AP1AR: variants seen among roughly 807,000 people sequenced by gnomAD.
AP1AR encodes the protein AP-1 complex-associated regulatory protein.
A neutral mutation model predicts 46.3 loss-of-function variants in AP1AR; 29 were observed. The observed-to-expected ratio is 0.63, with a 90% CI of 0.47 to 0.85. The LOEUF is 0.85. Ranked by LOEUF, AP1AR falls within the 40% of genes least tolerant of loss-of-function variation. The pLI is 0.00. For synonymous variants in AP1AR, 122 were observed against 122.9 expected, an observed-to-expected ratio of 0.99 and a Z score of 0.05; for missense variants, 357 against 356.3, an observed-to-expected ratio of 1.00 and a Z score of -0.02.
intron 3 of AP1AR, 64 bp from the exon 4 acceptor site, chr4:112,257,708 T>C: frequency 1.6e-6 from 2 of 1,284,642 alleles, no homozygotes; most frequent in Non-Finnish European, 2.1e-6. Context: ...AAAATTGTAT[T>C]GGTTACTTTA....
intron 7 of AP1AR, chr4:112,265,300 T>A (rs1166315073): frequency 2.4e-6 from 1 of 417,330 alleles, no homozygotes; most frequent in Non-Finnish European, 4.3e-6. Flanking sequence ...ATTTCCCATA[T>A]AGATGTGATA....
At chr4:112,253,455 GTT>G in intron 2 of AP1AR, 199 bp downstream of exon 2, 1 of 538,384 alleles carries the variant, frequency 1.9e-6, no homozygotes, top group South Asian at 2.4e-5. Context: ...GAGGATTATG[GTT>G]CTGTTTTTCT....
intron 1 of AP1AR, among the ~76,000 whole-genome samples, chr4:112,252,140 G>A (rs1300194371): frequency 1.3e-5 from 2 of 152,202 alleles, no homozygotes. Context: ...TGGGGAGGCT[G>A]AGGCAGGAGG....
rs1272091569 is a variant in AP1AR, at chr4:112,270,651, A to T, written c.*2242A>T. Among the ~76,000 whole-genome samples, 9 of 152,240 alleles carry T rather than the reference A, an allele frequency of 5.9e-5. No homozygotes were observed. Among genetic ancestry groups the T allele is most frequent in the Admixed American group, 5.9e-4 (9 of 15,278 alleles). On this transcript the variant is annotated 3_prime_UTR_variant, in exon 10 of 10. Coordinates refer to ENST00000274000, the MANE Select transcript of AP1AR (RefSeq NM_018569.6). ...GTTATAAGCAAAGGGAACGGCAAGT[A>T]CAAAGTACCTGAGGTGGGAAAGAGT...
Position 112,253,272 on chromosome 4 carries a change from T to C in AP1AR, c.132+16T>C, listed in dbSNP as rs372224158. ...AACAATAGAGGTAAGTAGTCCTTAA[T>C]TTGATTGAATTAAAAATGCCTTCAG... is the stretch of plus-strand genomic sequence containing the variant. On this transcript the variant is annotated intron_variant, in intron 2 of 9. Coordinates refer to ENST00000274000, the MANE Select transcript of AP1AR (RefSeq NM_018569.6). 17 of 1,600,448 alleles carry C rather than the reference T, an allele frequency of 1.1e-5. No homozygotes were observed. Among genetic ancestry groups the C allele is most frequent in the Non-Finnish European group, 1.4e-5 (16 of 1,171,190 alleles).
In AP1AR at chr4:112,271,121, A is replaced by G. The variant is rs1726933148; in HGVS notation, c.*2712A>G. ...ACACATCTGGCATGGTGCCGTGGCT[A>G]CCTTGCTCACTGCACATAGTCCACG... On this transcript the variant is annotated 3_prime_UTR_variant, in exon 10 of 10. Coordinates refer to ENST00000274000, the MANE Select transcript of AP1AR (RefSeq NM_018569.6). Among the ~76,000 whole-genome samples the G allele has an allele frequency of 6.6e-6, 1 of 152,174 alleles. No individual in the cohort carries two copies. The highest frequency in any genetic ancestry group is 6.5e-5 in the Admixed American group (1 of 15,270).
At chr4:112,251,522 T>C (rs1168807626) in intron 1 of AP1AR, among the ~76,000 whole-genome samples, 1 of 152,204 alleles carries the variant, frequency 6.6e-6, no homozygotes, top group Non-Finnish European at 1.5e-5. Context: ...ATTACTGGGC[T>C]TTATTTCTAA....
chr4:112,254,963 ATT>A (rs57595867), intron 3 of AP1AR, 190 bp downstream of exon 3: 39 of 290,342 alleles, frequency 1.3e-4, no homozygotes, highest in Middle Eastern at 9.6e-4. Flanking sequence ...ATAATTCCGA[ATT>A]TTTTTTTTTT....
chr4:112,248,806 T>G (rs931763146), intron 1 of AP1AR, among the ~76,000 whole-genome samples: 3 of 152,324 alleles, frequency 2.0e-5, no homozygotes, highest in Non-Finnish European at 4.4e-5. Context: ...CCTTCTTCAT[T>G]CCAGCCATTC....
intron 1 of AP1AR, among the ~76,000 whole-genome samples, chr4:112,241,782 AG>A (rs1435387171): frequency 3.9e-5 from 6 of 152,172 alleles, no homozygotes; most frequent in African/African-American, 1.4e-4. Context: ...TTAAGATTTG[AG>A]TGGTTAAATC....
At chr4:112,268,066 C>A in intron 9 of AP1AR, 78 bp from the exon 10 acceptor site, 1 of 1,381,484 alleles carries the variant, frequency 7.2e-7, no homozygotes, top group Non-Finnish European at 9.6e-7. Context: ...ATAAAAACTA[C>A]ATTGCTAAAT....
At chr4:112,264,588 A>T (rs1381012071) in intron 6 of AP1AR, among the ~76,000 whole-genome samples, 3 of 152,078 alleles carry the variant, frequency 2.0e-5, no homozygotes. Flanking sequence ...TTCTGAGTCA[A>T]CTCAGCCAGA....
chr4:112,236,639 G>C (rs1229993998), intron 1 of AP1AR, among the ~76,000 whole-genome samples: 1 of 152,056 alleles, frequency 6.6e-6, no homozygotes, highest in Non-Finnish European at 1.5e-5. Context: ...GACCTGAAAC[G>C]ATCTGCCCAC....
At chr4:112,239,468 C>T (rs753085379) in intron 1 of AP1AR, among the ~76,000 whole-genome samples, 4 of 152,110 alleles carry the variant, frequency 2.6e-5, no homozygotes, top group Non-Finnish European at 5.9e-5. Context: ...TTCAAAACTT[C>T]TGTTAGACTC....
intron 6 of AP1AR, among the ~76,000 whole-genome samples, chr4:112,264,252 T>A (rs1366850348): frequency 6.6e-6 from 1 of 152,182 alleles, no homozygotes; most frequent in Non-Finnish European, 1.5e-5. Flanking sequence ...ACTGCTTCCC[T>A]TTTAAAGACA....
intron 1 of AP1AR, among the ~76,000 whole-genome samples, chr4:112,244,014 A>G (rs1725617465): frequency 6.6e-6 from 1 of 152,208 alleles, no homozygotes; most frequent in Admixed American, 6.5e-5. Flanking sequence ...ACTTTATTGT[A>G]TAATATTCCT....
At chr4:112,254,877 AATTTTT>A in intron 3 of AP1AR, 104 bp downstream of exon 3, 2 of 575,224 alleles carry the variant, frequency 3.5e-6, no homozygotes, top group Non-Finnish European at 5.4e-6. Flanking sequence ...TTTGTTTTAG[AATTTTT>A]ATTTTCTGGT....
rs1725006113 is a variant in AP1AR at position 112,231,792 on chromosome 4, C to T, written c.-300C>T. The T allele has an allele frequency of 1.0e-5, 3 of 293,078 alleles. No homozygotes were observed. The East Asian group carries it at 1.6e-4, about 16-fold the overall frequency. The allele number at this position is 293,078 out of a possible 1,614,324, so 18.2% of individuals were successfully genotyped here. A position where few individuals can be genotyped will look rare whatever the true frequency, so the allele number is the denominator to read the frequency against. ...TTCGGCAGCTGGAGGCGGTCACTCA[C>T]GCTGGGCTAGGAGCTGAGGCGAGAA... On this transcript the variant is annotated 5_prime_UTR_variant, in exon 1 of 10. The change creates a new upstream start codon in the 5' untranslated region. Coordinates refer to ENST00000274000, the MANE Select transcript of AP1AR (RefSeq NM_018569.6).
chr4:112,263,149 C>G (rs895098801), intron 6 of AP1AR, 63 bp downstream of exon 6: 2 of 1,287,936 alleles, frequency 1.6e-6, no homozygotes, highest in African/African-American at 3.0e-5. Flanking sequence ...TCTGACAAAT[C>G]TTAGTTGGGA....
Sources: allele counts gnomAD v4.1 joint callset (sites outside exome capture counted in the v4.1 genomes callset), GRCh38; gene constraint gnomAD v4.1.1; transcripts MANE v1.5; gene names NCBI Gene and HGNC (gene_info 2026-07-23, HGNC 2026-07-21).